SUCO: variants seen among roughly 807,000 people sequenced by gnomAD.
SUCO encodes SUN domain containing ossification factor, also known as SUN domain-containing ossification factor.
SUCO carries 57 observed loss-of-function variants against 148.1 expected under a neutral mutation model. That is an observed-to-expected ratio of 0.38 (90% CI 0.31 to 0.48). SUCO has a LOEUF of 0.48. SUCO is among the 20% of genes least tolerant of loss of function. SUCO has a pLI of 0.96. For synonymous variants in SUCO, 470 were observed against 502.7 expected (o/e 0.93, Z 0.87); for missense variants, 1,331 against 1,468.2 (o/e 0.91, Z 1.53).
chr1:172,533,150 A>C lies in SUCO; in HGVS notation c.-286A>C, dbSNP rs1276114879. The C allele has an allele frequency of 6.9e-7, 1 of 1,458,240 alleles. No homozygotes were observed. Among genetic ancestry groups the C allele is most frequent in the African/African-American group, 1.4e-5 (1 of 69,510 alleles). The allele number at this position is 1,458,240 out of a possible 1,614,324, so 90.3% of individuals were successfully genotyped here. ...AAGGCCCCCGGCGGGCGGGGAGGATATGGGGCGGCAGTGGCGGCTGCAGGA... is the reference window on the plus strand; with the variant it reads ...AAGGCCCCCGGCGGGCGGGGAGGATCTGGGGCGGCAGTGGCGGCTGCAGGA... On this transcript the variant is annotated 5_prime_UTR_variant, in exon 1 of 24. The change abolishes an upstream ATG in the 5' untranslated region. Transcript: ENST00000263688.
intron 15 of SUCO, chr1:172,584,293 A>T: frequency 1.9e-6 from 1 of 528,568 alleles, no homozygotes; most frequent in Non-Finnish European, 2.4e-6. Flanking sequence ...TTGCTTTTTT[A>T]CACTTTTTTA....
intron 1 of SUCO, chr1:172,543,005 T>A: frequency 2.0e-6 from 2 of 985,178 alleles, no homozygotes; most frequent in South Asian, 9.4e-5. Flanking sequence ...ATTCCACACA[T>A]TTGTTTGGTA....
intron 6 of SUCO, among the ~76,000 whole-genome samples, chr1:172,563,990 G>C (rs964919322): frequency 6.6e-6 from 1 of 152,260 alleles, no homozygotes; most frequent in Non-Finnish European, 1.5e-5. Context: ...TCAGGCCATT[G>C]CTTCAAAGGG....
Position 172,571,700 on chromosome 1 carries a change from T to TCTGCCCCGCCGCCC in SUCO, c.1049+972_1049+985dup, listed in dbSNP as rs1161319452. Among the ~76,000 whole-genome samples the TCTGCCCCGCCGCCC allele has an allele frequency of 7.3e-5, 7 of 95,870 alleles. No homozygotes were observed. In the East Asian group the frequency reaches 2.1e-3, roughly 29 times the overall value. 62.9% of individuals were successfully genotyped at this position (95,870 alleles called of 152,430 possible). A position where few individuals can be genotyped will look rare whatever the true frequency, so the allele number is the denominator to read the frequency against. On this transcript the variant is annotated intron_variant, in intron 9 of 23. Coordinates refer to ENST00000263688, the MANE Select transcript of SUCO (RefSeq NM_014283.5). ...CATCGTCTGAGATGTGGGGAGCGCC[T>TCTGCCCCGCCGCCC]CTGCCCCGCCGCCCCGTCTGGGATG...
chr1:172,544,572 A>G (rs1477267304), intron 1 of SUCO, among the ~76,000 whole-genome samples: 4 of 152,162 alleles, frequency 2.6e-5, no homozygotes, highest in Admixed American at 1.3e-4. Flanking sequence ...GTATTGAGTT[A>G]TGTTTTAGAT....
At chr1:172,608,616 C>A in intron 22 of SUCO, 131 bp from the exon 23 acceptor site, 1 of 737,678 alleles carries the variant, frequency 1.4e-6, no homozygotes, top group Non-Finnish European at 2.4e-6. Flanking sequence ...TAACCTGATA[C>A]AAATTCATTG....
chr1:172,549,303 T>C (rs1417914866), intron 1 of SUCO, among the ~76,000 whole-genome samples: 1 of 151,782 alleles, frequency 6.6e-6, no homozygotes, highest in African/African-American at 2.4e-5. Context: ...GACTCCAGTT[T>C]AGTTTTATTA....
intron 4 of SUCO, 53 bp downstream of exon 4, chr1:172,556,076 G>A: frequency 6.9e-7 from 1 of 1,454,994 alleles, no homozygotes; most frequent in East Asian, 2.3e-5. Context: ...GTTAGTGATA[G>A]AAAAATTTCC....
intron 19 of SUCO, among the ~76,000 whole-genome samples, chr1:172,598,260 A>G (rs1235718183): frequency 1.3e-5 from 2 of 152,132 alleles, no homozygotes; most frequent in Admixed American, 1.3e-4. Context: ...AGTTAACCAT[A>G]TATATGTGGG....
intron 10 of SUCO, among the ~76,000 whole-genome samples, chr1:172,574,269 A>G (rs549844677): frequency 6.6e-6 from 1 of 152,248 alleles, no homozygotes; most frequent in Admixed American, 6.5e-5. Flanking sequence ...TGCCTTGCCC[A>G]GGTCACATGA....
intron 1 of SUCO, among the ~76,000 whole-genome samples, chr1:172,534,814 T>C (rs1651892196): frequency 6.6e-6 from 1 of 152,222 alleles, no homozygotes; most frequent in Non-Finnish European, 1.5e-5. Flanking sequence ...TAGTTATATT[T>C]GTAGACTGTG....
At chr1:172,554,689 A>G (rs1440019976) in intron 3 of SUCO, among the ~76,000 whole-genome samples, 1 of 151,272 alleles carries the variant, frequency 6.6e-6, no homozygotes, top group Non-Finnish European at 1.5e-5. Flanking sequence ...GTGAGCCGAG[A>G]TCATGCCACT....
intron 6 of SUCO, among the ~76,000 whole-genome samples, chr1:172,566,482 A>C (rs1654560981): frequency 6.6e-6 from 1 of 152,202 alleles, no homozygotes; most frequent in South Asian, 2.1e-4. Context: ...TAGCCCAGGA[A>C]GGTTCTTGGC....
intron 21 of SUCO, chr1:172,602,473 A>G (rs1170766712): frequency 1.0e-6 from 1 of 980,994 alleles, no homozygotes. Context: ...AGATGCTTAA[A>G]TGTGGAATTC....
chr1:172,603,841 A>G (rs1657685558), intron 22 of SUCO, among the ~76,000 whole-genome samples: 1 of 151,908 alleles, frequency 6.6e-6, no homozygotes, highest in African/African-American at 2.4e-5. Flanking sequence ...GACTATAGGC[A>G]TTTGTTTATT....
chr1:172,551,591 G>A lies in SUCO; in HGVS notation c.142G>A (p.Ala48Thr), dbSNP rs924334958. The A allele has an allele frequency of 1.6e-5, 25 of 1,608,460 alleles. No homozygotes were observed. The highest frequency in any genetic ancestry group is 2.0e-5 in the Non-Finnish European group (23 of 1,176,986). The change falls in exon 2 of 24, where the codon GCA (alanine) becomes ACA (threonine). Residue 48 changes from alanine to threonine, a missense_variant. Around this residue, in one of 3 missense-constraint regions of SUCO, gnomAD observed 992 missense variants for 1,093.5 expected, o/e 0.91. Transcript: ENST00000263688. ...SSYYSQDDNC[A>T]LENEDVQFQK... ...ATATTACTCTCAAGATGACAACTGC[G>A]CACTAGAAAATGAAGATGTACAATT...
In SUCO at chr1:172,574,443, A is replaced by G. The variant is rs141747356; in HGVS notation, c.1157+445A>G. On this transcript the variant is annotated intron_variant, in intron 10 of 23. Transcript: ENST00000263688. ...ATATTTTTATTAAAATATATTCTAA[A>G]ACTTTTTTTGTACATGTGTGATTAT... Among the ~76,000 whole-genome samples, 569 of 152,128 alleles carry G rather than the reference A, an allele frequency of 3.7e-3. 4 individuals are homozygous for G. The highest frequency in any genetic ancestry group is 0.014 in the Middle Eastern group (4 of 294).
rs752533194 is a variant in SUCO, at chr1:172,585,869, A to G, written c.1579A>G (p.Ile527Val). The stretch of plus-strand genomic sequence containing the variant: ...CTTTCTTAAAATAGGAAATAAAAGT[A>G]TATCTGAGAATGCCACTGCCACAGC... ...TEDLTEGNKS[I>V]SENATATAAP... Residue 527 changes from isoleucine to valine, a missense_variant, in exon 17 of 24, where the codon ATA becomes GTA. Coordinates refer to ENST00000263688, the MANE Select transcript of SUCO (RefSeq NM_014283.5). 34 of 1,604,996 alleles carry G rather than the reference A, an allele frequency of 2.1e-5. No homozygotes were observed. The highest frequency in any genetic ancestry group is 2.7e-5 in the Non-Finnish European group (32 of 1,174,828).
chr1:172,553,350 GATTCT>G lies in SUCO; in HGVS notation c.272_276del (p.Ser91CysfsTer23), dbSNP rs1261166296. Reference sequence around the variant, plus strand: ...TCCAAAAGAACATAAATTAAAAGATGATTCTATTGTGGATGTACAAGTAAGCTATG... The same window carrying G: ...TCCAAAAGAACATAAATTAAAAGATGATTGTGGATGTACAAGTAAGCTATG... On this transcript the variant is annotated frameshift_variant, in exon 3 of 24. Transcript: ENST00000263688. LOFTEE classifies it high-confidence loss of function. The G allele has an allele frequency of 6.3e-7, 1 of 1,598,316 alleles. No homozygotes were observed. Among genetic ancestry groups the G allele is most frequent in the Admixed American group, 1.7e-5 (1 of 58,856 alleles).
Sources: gnomAD v4.1 joint callset for allele counts (sites outside exome capture counted in the v4.1 genomes callset) on GRCh38, gnomAD v4.1.1 for gene constraint, gnomAD v4.1.1 regional missense constraint, MANE v1.5 for transcripts, NCBI Gene and HGNC (gene_info 2026-07-23, HGNC 2026-07-21) for gene names.